The following ROBO2 variants were observed in gnomAD, a reference collection of about 807,000 sequenced individuals.
ROBO2 encodes the protein roundabout guidance receptor 2, also known as roundabout homolog 2.
In ROBO2, 53 loss-of-function variants were observed where a neutral mutation model predicts 160.8. That is an observed-to-expected ratio of 0.33 (90% CI 0.26 to 0.41). The LOEUF is 0.41. Ranked by LOEUF, ROBO2 falls within the 10% of genes least tolerant of loss-of-function variation. The pLI, the probability that ROBO2 is intolerant of heterozygous loss-of-function variation, is 1.00. For synonymous variants in ROBO2, 664 were observed against 611.7 expected, an observed-to-expected ratio of 1.09 and a Z score of -1.26; for missense variants, 1,577 against 1,722.4, an observed-to-expected ratio of 0.92 and a Z score of 1.49.
intron 2 of ROBO2, among the ~76,000 whole-genome samples, chr3:76,889,115 C>T (rs2074145120): frequency 6.6e-6 from 1 of 152,126 alleles, no homozygotes; most frequent in Non-Finnish European, 1.5e-5. Context: ...GCTGCCAGGT[C>T]TTGACTGATG....
At chr3:76,732,000 T>C (rs1185883693) in intron 2 of ROBO2, among the ~76,000 whole-genome samples, 2 of 152,152 alleles carry the variant, frequency 1.3e-5, no homozygotes, top group Non-Finnish European at 2.9e-5. Flanking sequence ...CCAGGCATGA[T>C]TTTTCATCTT....
chr3:76,915,482 G>C lies in ROBO2; in HGVS notation c.110-182532G>C, dbSNP rs2076243881. Among the ~76,000 whole-genome samples the C allele has an allele frequency of 1.3e-5, 2 of 151,528 alleles. 1 individual carries two copies. The highest frequency in any genetic ancestry group is 4.2e-4 in the South Asian group (2 of 4,788). On this transcript the variant is annotated intron_variant, in intron 2 of 26. Transcript: ENST00000487694. Reference sequence around the variant, plus strand: ...TTGAGTCCAGCCTGGCCCACATGGTGAAACCCTGTCTCCATTAAAAATATA... The same window carrying C: ...TTGAGTCCAGCCTGGCCCACATGGTCAAACCCTGTCTCCATTAAAAATATA...
intron 2 of ROBO2, among the ~76,000 whole-genome samples, chr3:76,775,850 A>G (rs2062217011): frequency 6.6e-6 from 1 of 150,800 alleles, no homozygotes; most frequent in African/African-American, 2.4e-5. Context: ...TCACTATAGC[A>G]TATTAAGTGG....
At chr3:76,569,181 G>A (rs939724921) in intron 2 of ROBO2, among the ~76,000 whole-genome samples, 5 of 152,044 alleles carry the variant, frequency 3.3e-5, no homozygotes, top group African/African-American at 1.2e-4. Flanking sequence ...TTTGGAGACA[G>A]GTACAAAGCC....
chr3:75,912,240 A>G (rs1230748389), intron 1 of ROBO2, among the ~76,000 whole-genome samples: 1 of 152,210 alleles, frequency 6.6e-6, no homozygotes, highest in Non-Finnish European at 1.5e-5. Flanking sequence ...TTTACACCAC[A>G]AACAACTTTC....
intron 2 of ROBO2, among the ~76,000 whole-genome samples, chr3:77,160,105 A>G (rs1176213814): frequency 4.0e-5 from 5 of 123,946 alleles, no homozygotes; most frequent in Non-Finnish European, 7.7e-5. Context: ...TTCACCACAA[A>G]CACAAAACAT....
intron 2 of ROBO2, among the ~76,000 whole-genome samples, chr3:76,786,841 T>C (rs2063010058): frequency 2.0e-5 from 3 of 151,306 alleles, no homozygotes; most frequent in Non-Finnish European, 1.5e-5. Flanking sequence ...TGTAGAAATA[T>C]GCATTAGTCC....
At chr3:77,630,090 A>C (rs2095126091) in intron 23 of ROBO2, 1 of 152,160 alleles carries the variant, frequency 6.6e-6, no homozygotes, top group Non-Finnish European at 1.5e-5. Flanking sequence ...TTTAATTTAG[A>C]CTTTAAAGTT....
chr3:76,892,025 C>T (rs1427354820), intron 2 of ROBO2, among the ~76,000 whole-genome samples: 2 of 150,248 alleles, frequency 1.3e-5, no homozygotes, highest in Non-Finnish European at 2.9e-5. Context: ...GGGAGTTAAA[C>T]TTCTCGTGGG....
chr3:76,111,933 T>A (rs2070249759), intron 2 of ROBO2, among the ~76,000 whole-genome samples: 1 of 152,122 alleles, frequency 6.6e-6, no homozygotes, highest in Non-Finnish European at 1.5e-5. Flanking sequence ...ATCTGCACAC[T>A]TCTCAGAATG....
intron 2 of ROBO2, among the ~76,000 whole-genome samples, chr3:77,352,370 G>A (rs902116680): frequency 3.3e-5 from 5 of 152,062 alleles, no homozygotes; most frequent in East Asian, 1.9e-4. Context: ...ATTCTATTTC[G>A]TGGAAGATAT....
intron 2 of ROBO2, among the ~76,000 whole-genome samples, chr3:76,383,900 C>T (rs1469442499): frequency 2.6e-5 from 4 of 152,140 alleles, no homozygotes; most frequent in East Asian, 1.9e-4. Flanking sequence ...GGGAAATTTC[C>T]GTTCAGGGTA....
intron 25 of ROBO2, among the ~76,000 whole-genome samples, chr3:77,645,396 T>C (rs1345169528): frequency 1.3e-5 from 2 of 152,194 alleles, no homozygotes; most frequent in Admixed American, 6.5e-5. Flanking sequence ...ATTTTATAAA[T>C]AAATTTCCAT....
At chr3:76,342,145 C>T (rs968691695) in intron 2 of ROBO2, among the ~76,000 whole-genome samples, 2 of 152,130 alleles carry the variant, frequency 1.3e-5, no homozygotes, top group Non-Finnish European at 2.9e-5. Context: ...TCTTGTGATT[C>T]TGCCTGTGAG....
At chr3:76,301,749 T>A (rs1709369596) in intron 2 of ROBO2, among the ~76,000 whole-genome samples, 1 of 152,140 alleles carries the variant, frequency 6.6e-6, no homozygotes, top group African/African-American at 2.4e-5. Context: ...AAACCCAGAA[T>A]TTTAGCTGGT....
At chr3:76,776,030 T>C (rs566383002) in intron 2 of ROBO2, among the ~76,000 whole-genome samples, 6 of 150,994 alleles carry the variant, frequency 4.0e-5, no homozygotes, top group African/African-American at 1.4e-4. Flanking sequence ...TTCTGTATCA[T>C]TCACATAATT....
chr3:76,136,912 A>G (rs540460862), intron 2 of ROBO2, among the ~76,000 whole-genome samples: 2 of 152,126 alleles, frequency 1.3e-5, no homozygotes, highest in African/African-American at 2.4e-5. Context: ...CAAAGTCTGG[A>G]ATGTAGGGGG....
At chr3:77,086,789 T>G (rs1578842928) in intron 1 of ROBO2, among the ~76,000 whole-genome samples, 2 of 152,226 alleles carry the variant, frequency 1.3e-5, no homozygotes, top group East Asian at 3.8e-4. Flanking sequence ...TTAGCCATTA[T>G]TCCTTTAAGA....
At chr3:77,324,804 AG>A (rs1403290301) in intron 2 of ROBO2, among the ~76,000 whole-genome samples, 38 of 149,456 alleles carry the variant, frequency 2.5e-4, no homozygotes, top group African/African-American at 9.2e-4. Context: ...AAAAAAAAAA[AG>A]CTACCATACT....
Sources: allele counts gnomAD v4.1 joint callset (sites outside exome capture counted in the v4.1 genomes callset), GRCh38; gene constraint gnomAD v4.1.1; transcripts MANE v1.5; gene names NCBI Gene and HGNC (gene_info 2026-07-23, HGNC 2026-07-21).